Variants in TG observed in about 807,000 individuals in gnomAD.
The protein encoded by TG is thyroid hormones.
TG carries 270 observed loss-of-function variants against 324.7 expected under a neutral mutation model. The observed-to-expected ratio is 0.83, with a 90% CI of 0.75 to 0.92. The LOEUF (loss-of-function observed/expected upper bound fraction) is 0.92, where lower values mean the gene tolerates loss of function less well. Among genes scored for constraint, TG ranks in the 40% least tolerant of loss-of-function variants. The pLI, the probability that TG is intolerant of heterozygous loss-of-function variation, is 0.00. For synonymous variants in TG, 1,401 were observed against 1,327.0 expected, an observed-to-expected ratio of 1.06 and a Z score of -1.21; for missense variants, 3,591 against 3,456.4, an observed-to-expected ratio of 1.04 and a Z score of -0.98.
intron 47 of TG, among the ~76,000 whole-genome samples, chr8:133,134,086 G>T (rs991008137): frequency 6.6e-6 from 1 of 152,240 alleles, no homozygotes; most frequent in Non-Finnish European, 1.5e-5. Flanking sequence ...ACCTCTTCCT[G>T]TTGCAGAGGT....
At chr8:133,001,503 A>G (rs1833493882) in intron 35 of TG, among the ~76,000 whole-genome samples, 4 of 152,228 alleles carry the variant, frequency 2.6e-5, no homozygotes, top group Admixed American at 6.5e-5. Flanking sequence ...ACAACATTAC[A>G]AGGATGTCTT....
intron 45 of TG, among the ~76,000 whole-genome samples, chr8:133,122,755 T>A (rs1194375722): frequency 1.3e-5 from 2 of 152,228 alleles, no homozygotes; most frequent in Non-Finnish European, 1.5e-5. Flanking sequence ...TATGCATGTA[T>A]GTGTATCTGT....
At chr8:133,131,715 T>A in intron 45 of TG, 97 bp from the exon 46 acceptor site, 1 of 1,545,918 alleles carries the variant, frequency 6.5e-7, no homozygotes, top group South Asian at 1.2e-5. Context: ...AGGGAAAGTC[T>A]TGGTTTTGGA....
At chr8:132,936,975 T>C (rs1236941807) in intron 25 of TG, among the ~76,000 whole-genome samples, 1 of 147,198 alleles carries the variant, frequency 6.8e-6, no homozygotes, top group Admixed American at 6.7e-5. Flanking sequence ...GTTTCCTCCT[T>C]AGTAAAACAG....
At chr8:132,906,281 C>T (rs553699601) in intron 16 of TG, among the ~76,000 whole-genome samples, 7 of 152,102 alleles carry the variant, frequency 4.6e-5, no homozygotes, top group Admixed American at 4.6e-4. Context: ...CTTGGGATGG[C>T]TGGGTGGCTG....
intron 32 of TG, 101 bp downstream of exon 32, chr8:132,969,670 T>C (rs1166955432): frequency 7.6e-6 from 7 of 918,564 alleles, no homozygotes; most frequent in Non-Finnish European, 1.3e-5. Flanking sequence ...CCCAGCACTT[T>C]GGGAGGCCGA....
intron 41 of TG, chr8:133,049,164 C>T (rs1323132531): frequency 2.2e-6 from 1 of 456,490 alleles, no homozygotes; most frequent in South Asian, 1.5e-5. Flanking sequence ...CAGGAGGCTG[C>T]AGAGGCCTCA....
intron 43 of TG, among the ~76,000 whole-genome samples, chr8:133,110,003 A>C (rs1767208542): frequency 6.6e-6 from 1 of 152,160 alleles, no homozygotes; most frequent in South Asian, 2.1e-4. Context: ...AAGTTTGTAC[A>C]GTGATTGCCA....
intron 43 of TG, among the ~76,000 whole-genome samples, chr8:133,104,360 A>G (rs769392248): frequency 2.0e-4 from 30 of 152,260 alleles, no homozygotes; most frequent in Non-Finnish European, 3.1e-4. Context: ...TCTGGCAGCT[A>G]TATGGAAAAT....
At chr8:133,023,141 T>C (rs559414533) in intron 40 of TG, among the ~76,000 whole-genome samples, 1 of 152,266 alleles carries the variant, frequency 6.6e-6, no homozygotes, top group East Asian at 1.9e-4. Context: ...GACTAGAATG[T>C]GTGTGAATGT....
intron 22 of TG, among the ~76,000 whole-genome samples, chr8:132,925,035 G>A (rs1821640316): frequency 6.6e-6 from 1 of 152,124 alleles, no homozygotes; most frequent in African/African-American, 2.4e-5. Context: ...CATTTGACAA[G>A]CCCAAGCAAG....
chr8:132,974,953 A>T (rs1830014096), intron 34 of TG, among the ~76,000 whole-genome samples: 1 of 152,200 alleles, frequency 6.6e-6, no homozygotes, highest in African/African-American at 2.4e-5. Flanking sequence ...CTGTGATTTG[A>T]TCTGAATTGA....
At chr8:132,868,055 G>A (rs566530155) in intron 1 of TG, 60 bp from the exon 2 acceptor site, 112 of 1,468,594 alleles carry the variant, frequency 7.6e-5, no homozygotes, top group Non-Finnish European at 9.7e-5. Flanking sequence ...ATGAGAGCCC[G>A]TCTCTGTCCT....
chr8:133,014,423 G>C (rs1016832358), intron 37 of TG, among the ~76,000 whole-genome samples: 2 of 152,354 alleles, frequency 1.3e-5, no homozygotes. Context: ...TGTAGAACAG[G>C]AAACAGGGAC....
rs1835610748 is a variant in TG at position 133,021,997 on chromosome 8, A to T, written c.6883A>T (p.Asn2295Tyr). ...NVFIPQNVAPNASVLVFFHNT... is the reference protein window; with the variant it reads ...NVFIPQNVAPYASVLVFFHNT... ...GTTTCTCCAATACCCACAGGCCCCT[A>T]ACGCGTCTGTGCTGGTGTTCTTCCA... The change falls in exon 40 of 48, where the codon AAC becomes TAC. Residue 2295 changes from asparagine to tyrosine, a missense_variant. Coordinates refer to ENST00000220616, the MANE Select transcript of TG (RefSeq NM_003235.5). The T allele has an allele frequency of 6.2e-7, 1 of 1,601,930 alleles. No homozygotes were observed. The highest frequency in any genetic ancestry group is 8.5e-7 in the Non-Finnish European group (1 of 1,171,564).
chr8:133,131,744 G>T, intron 45 of TG, 68 bp from the exon 46 acceptor site: 1 of 1,600,254 alleles, frequency 6.2e-7, no homozygotes, highest in East Asian at 2.2e-5. Context: ...TTTTGTTTGT[G>T]TGTTTGTGTT....
At chr8:133,073,968 G>T (rs1457274120) in intron 41 of TG, among the ~76,000 whole-genome samples, 1 of 152,054 alleles carries the variant, frequency 6.6e-6, no homozygotes, top group Non-Finnish European at 1.5e-5. Flanking sequence ...CAGCCACTCG[G>T]GATGGTGGAT....
intron 39 of TG, among the ~76,000 whole-genome samples, chr8:133,021,020 G>T (rs577401480): frequency 1.3e-5 from 2 of 152,204 alleles, no homozygotes; most frequent in South Asian, 4.2e-4. Flanking sequence ...CCTGAACTGG[G>T]GCCTCAGATC....
intron 43 of TG, among the ~76,000 whole-genome samples, chr8:133,109,749 C>T (rs1178588598): frequency 6.6e-6 from 1 of 152,138 alleles, no homozygotes; most frequent in African/African-American, 2.4e-5. Context: ...GTGCTTGGTG[C>T]GTGGCACTTG....
Sources: allele counts gnomAD v4.1 joint callset (sites outside exome capture counted in the v4.1 genomes callset), GRCh38; gene constraint gnomAD v4.1.1; transcripts MANE v1.5; gene names NCBI Gene and HGNC (gene_info 2026-07-23, HGNC 2026-07-21).